The following EVI5 variants were observed in gnomAD, a reference collection of about 807,000 sequenced individuals.
EVI5 encodes the protein ecotropic viral integration site 5 protein homolog.
EVI5 carries 73 observed loss-of-function variants against 112.0 expected under a neutral mutation model. The ratio of observed to expected loss-of-function variants is 0.65; its 90% CI spans 0.54 to 0.79. The LOEUF (loss-of-function observed/expected upper bound fraction) is 0.79, where lower values mean the gene tolerates loss of function less well. EVI5 is among the 30% of genes least tolerant of loss of function. EVI5 has a pLI of 0.00. For synonymous variants in EVI5, 305 were observed against 319.9 expected, an observed-to-expected ratio of 0.95 and a Z score of 0.50; for missense variants, 900 against 968.8, an observed-to-expected ratio of 0.93 and a Z score of 0.94.
At chr1:92,579,043 CA>C (rs2101064526) in intron 18 of EVI5, among the ~76,000 whole-genome samples, 1 of 152,230 alleles carries the variant, frequency 6.6e-6, no homozygotes, top group East Asian at 1.9e-4. Flanking sequence ...TGATTTGAGA[CA>C]GATCATAGCA....
At chr1:92,547,080 T>C (rs557101143) in intron 19 of EVI5, among the ~76,000 whole-genome samples, 12 of 152,166 alleles carry the variant, frequency 7.9e-5, no homozygotes, top group Non-Finnish European at 1.6e-4. Context: ...TATTCCAAAA[T>C]TGACCACATA....
intron 9 of EVI5, among the ~76,000 whole-genome samples, chr1:92,687,660 C>G (rs1378398536): frequency 2.6e-5 from 4 of 152,152 alleles, no homozygotes; most frequent in Non-Finnish European, 5.9e-5. Context: ...GGGCTAATAT[C>G]CAGCATCTAC....
intron 5 of EVI5, 21 bp from the exon 6 acceptor site, chr1:92,698,006 AC>A: frequency 6.2e-7 from 1 of 1,601,240 alleles, no homozygotes; most frequent in Non-Finnish European, 8.5e-7. Flanking sequence ...AGAAAAAAAA[AC>A]AACATAGGTT....
At chr1:92,782,897 G>A (rs1235519608) in intron 1 of EVI5, among the ~76,000 whole-genome samples, 2 of 152,120 alleles carry the variant, frequency 1.3e-5, no homozygotes, top group Non-Finnish European at 2.9e-5. Flanking sequence ...AAGGCTCACT[G>A]CAACTTCGAC....
chr1:92,549,158 C>G (rs1018817710), intron 19 of EVI5, among the ~76,000 whole-genome samples: 1 of 152,066 alleles, frequency 6.6e-6, no homozygotes, highest in Non-Finnish European at 1.5e-5. Context: ...AGATATAGAT[C>G]AATGGAATAG....
chr1:92,519,948 C>A, intron 19 of EVI5, among the ~76,000 whole-genome samples: 1 of 143,854 alleles, frequency 7.0e-6, no homozygotes, highest in Non-Finnish European at 1.5e-5. Context: ...ACACAAGAGA[C>A]AATATATTAT....
intron 2 of EVI5, among the ~76,000 whole-genome samples, chr1:92,709,431 C>A (rs1286230033): frequency 6.6e-6 from 1 of 152,116 alleles, no homozygotes; most frequent in Non-Finnish European, 1.5e-5. Flanking sequence ...GAAATGACTG[C>A]ATTTTATTAT....
intron 1 of EVI5, among the ~76,000 whole-genome samples, chr1:92,757,253 A>T (rs1681091392): frequency 1.3e-5 from 2 of 152,198 alleles, no homozygotes; most frequent in South Asian, 4.1e-4. Flanking sequence ...TACAACAGAA[A>T]ATTTGGACAG....
intron 16 of EVI5, among the ~76,000 whole-genome samples, chr1:92,621,771 T>C (rs546471595): frequency 2.6e-5 from 4 of 152,314 alleles, no homozygotes; most frequent in Admixed American, 1.3e-4. Context: ...TTATCAGAGA[T>C]ATAAACACAT....
At chr1:92,654,475 A>C (rs1662683752) in intron 13 of EVI5, among the ~76,000 whole-genome samples, 1 of 152,196 alleles carries the variant, frequency 6.6e-6, no homozygotes, top group African/African-American at 2.4e-5. Flanking sequence ...CATTCTGCCA[A>C]GGAAGCACCC....
At chr1:92,766,126 T>C (rs913537631) in intron 1 of EVI5, among the ~76,000 whole-genome samples, 1 of 146,530 alleles carries the variant, frequency 6.8e-6, no homozygotes, top group Admixed American at 6.9e-5. Context: ...ATAATAATAA[T>C]AATAATAATA....
At chr1:92,695,217 G>T in intron 7 of EVI5, 93 bp downstream of exon 7, 4 of 1,030,884 alleles carry the variant, frequency 3.9e-6, no homozygotes, top group South Asian at 3.5e-5. Context: ...TGGGACACAT[G>T]GCTTTCCTTC....
intron 19 of EVI5, among the ~76,000 whole-genome samples, chr1:92,548,904 G>A (rs892340082): frequency 6.6e-6 from 1 of 152,186 alleles, no homozygotes; most frequent in Non-Finnish European, 1.5e-5. Flanking sequence ...TCAACATCAT[G>A]GAAATGGCCA....
chr1:92,540,987 T>C (rs182468941), intron 19 of EVI5, among the ~76,000 whole-genome samples: 1 of 152,124 alleles, frequency 6.6e-6, no homozygotes, highest in Non-Finnish European at 1.5e-5. Context: ...GGCAGGAGAA[T>C]TGCTTGGCCC....
At chr1:92,528,781 T>TGA (rs944277731) in intron 19 of EVI5, among the ~76,000 whole-genome samples, 1 of 151,958 alleles carries the variant, frequency 6.6e-6, no homozygotes, top group African/African-American at 2.4e-5. Context: ...AATGAGGAGA[T>TGA]GAGAGAGAGA....
At chr1:92,729,436 C>T (rs994475360) in intron 2 of EVI5, among the ~76,000 whole-genome samples, 1 of 152,156 alleles carries the variant, frequency 6.6e-6, no homozygotes. Flanking sequence ...GTCACACAGA[C>T]ATTACAAGGT....
At chr1:92,568,114 CTG>C (rs971198695) in intron 18 of EVI5, among the ~76,000 whole-genome samples, 2 of 151,946 alleles carry the variant, frequency 1.3e-5, no homozygotes, top group African/African-American at 4.8e-5. Flanking sequence ...TGGCTTATGA[CTG>C]TATTCCTAGC....
chr1:92,591,699 T>TTAA (rs1673937311), intron 18 of EVI5, among the ~76,000 whole-genome samples: 1 of 151,550 alleles, frequency 6.6e-6, no homozygotes, highest in Non-Finnish European at 1.5e-5. Context: ...ATTAGACAGA[T>TTAA]CGAGACAGAA....
intron 2 of EVI5, among the ~76,000 whole-genome samples, chr1:92,709,397 C>T (rs1185018583): frequency 1.3e-5 from 2 of 152,070 alleles, no homozygotes; most frequent in African/African-American, 4.8e-5. Flanking sequence ...CTTAATGGCA[C>T]TAGGGATAGT....
Sources: allele counts gnomAD v4.1 joint callset (sites outside exome capture counted in the v4.1 genomes callset), GRCh38; gene constraint gnomAD v4.1.1; transcripts MANE v1.5; gene names NCBI Gene and HGNC (gene_info 2026-07-23, HGNC 2026-07-21).